FAM83B: variants seen among roughly 807,000 people sequenced by gnomAD.
FAM83B encodes the protein protein FAM83B.
Under a neutral mutation model 38.8 loss-of-function variants are expected in FAM83B, and 26 were observed. The ratio of observed to expected loss-of-function variants is 0.67; its 90% CI spans 0.49 to 0.93. The LOEUF is 0.93. FAM83B is among the 40% of genes least tolerant of loss of function. The probability of loss-of-function intolerance (pLI) is 0.00; values close to 1 mark genes in which losing one functional copy is unlikely to be tolerated. For synonymous variants in FAM83B, 419 were observed against 423.1 expected (o/e 0.99, Z 0.12); for missense variants, 1,237 against 1,197.3 (o/e 1.03, Z -0.49).
At chr6:54,899,041 C>T (rs1772599289) in intron 2 of FAM83B, among the ~76,000 whole-genome samples, 1 of 152,156 alleles carries the variant, frequency 6.6e-6, no homozygotes, top group Non-Finnish European at 1.5e-5. Flanking sequence ...ATGCCTGTTG[C>T]TCCAGCTAGA....
rs138547073 is a variant in FAM83B, at chr6:54,859,060, C to T, written c.-60-11127C>T. Among the ~76,000 whole-genome samples, 364 of 151,468 alleles carry T rather than the reference C, an allele frequency of 2.4e-3. 4 individuals are homozygous for T. Among genetic ancestry groups the T allele is most frequent in the African/African-American group, 8.4e-3 (348 of 41,218 alleles). On this transcript the variant is annotated intron_variant, in intron 1 of 4. Coordinates refer to ENST00000306858, the MANE Select transcript of FAM83B (RefSeq NM_001010872.3). ...AATTCCTCCCCCGACACCGTGCCCA[C>T]CCCCCAGCCCCCAGCACTGAGACGG...
chr6:54,903,600 A>T (rs1772711083), intron 2 of FAM83B, among the ~76,000 whole-genome samples: 1 of 152,096 alleles, frequency 6.6e-6, no homozygotes, highest in Admixed American at 6.6e-5. Context: ...TTTAATAATT[A>T]TTCTTTTGGG....
At chr6:54,854,172 G>C (rs550786925) in intron 1 of FAM83B, among the ~76,000 whole-genome samples, 1 of 152,302 alleles carries the variant, frequency 6.6e-6, no homozygotes, top group African/African-American at 2.4e-5. Flanking sequence ...AAAGAAAGTG[G>C]ATTCTTGAGA....
intron 2 of FAM83B, among the ~76,000 whole-genome samples, chr6:54,917,309 A>C (rs1278383027): frequency 6.6e-6 from 1 of 152,186 alleles, no homozygotes; most frequent in Non-Finnish European, 1.5e-5. Flanking sequence ...AGATCTAACT[A>C]ACTTAATAAT....
At chr6:54,919,607 A>G (rs1271254132) in intron 2 of FAM83B, among the ~76,000 whole-genome samples, 1 of 151,978 alleles carries the variant, frequency 6.6e-6, no homozygotes, top group African/African-American at 2.4e-5. Context: ...ATTATTTACA[A>G]AGTCTAGATA....
At chr6:54,906,365 AATT>A (rs1335796325) in intron 2 of FAM83B, among the ~76,000 whole-genome samples, 7 of 152,008 alleles carry the variant, frequency 4.6e-5, no homozygotes, top group Admixed American at 2.6e-4. Flanking sequence ...CCAATAAAAC[AATT>A]ATTATTATTT....
intron 2 of FAM83B, among the ~76,000 whole-genome samples, chr6:54,925,381 G>T (rs1238822648): frequency 2.0e-5 from 3 of 151,938 alleles, no homozygotes; most frequent in African/African-American, 7.3e-5. Context: ...TGTTCTTCTT[G>T]CATGGCCCAT....
At chr6:54,889,307 G>GT (rs1256637498) in intron 2 of FAM83B, among the ~76,000 whole-genome samples, 2 of 151,960 alleles carry the variant, frequency 1.3e-5, no homozygotes, top group African/African-American at 2.4e-5. Flanking sequence ...CCTGCATTTT[G>GT]TTTTTTCTTC....
At chr6:54,937,984 G>A (rs748582827) in intron 4 of FAM83B, among the ~76,000 whole-genome samples, 1 of 151,948 alleles carries the variant, frequency 6.6e-6, no homozygotes, top group Admixed American at 6.6e-5. Context: ...CATCACCCAA[G>A]CAGTGTACAA....
chr6:54,930,665 T>C (rs1446518495), intron 4 of FAM83B, among the ~76,000 whole-genome samples: 1 of 152,162 alleles, frequency 6.6e-6, no homozygotes, highest in East Asian at 1.9e-4. Flanking sequence ...TCAGCAATTA[T>C]TATTAGTCAC....
At position 54,940,402 on chromosome 6, in the gene FAM83B, G is replaced by A; in HGVS notation, c.1431G>A (p.Leu477=). 1 of 1,613,932 alleles carries A rather than the reference G, an allele frequency of 6.2e-7. No homozygotes were observed. Among genetic ancestry groups the A allele is most frequent in the East Asian group, 2.2e-5 (1 of 44,870 alleles). ...GGACAGATAACCATATCCGCTTTTT[G>A]CAACAACGAATGCCAACCCTTGAAC... ...FNGTDNHIRF[L]QQRMPTLEHT... Residue 477 remains leucine, a synonymous_variant, in exon 5 of 5, where the codon TTG becomes TTA. Transcript: ENST00000306858.
At position 54,926,528 on chromosome 6, in the gene FAM83B, G is replaced by C; in HGVS notation, c.602G>C (p.Arg201Pro). The change falls in exon 3 of 5, where the codon CGT (arginine) becomes CCT (proline). Residue 201 changes from arginine (R) to proline (P), a missense_variant. Transcript: ENST00000306858. ...MTEKQGCSVQ[R>P]LRNIRVRTVK... The stretch of plus-strand genomic sequence containing the variant: ...GAGAAACAAGGTTGTTCAGTTCAGC[G>C]TCTCAGGGTAAGAATTCTGTTTTTT... 1 of 1,559,366 alleles carries C rather than the reference G, an allele frequency of 6.4e-7. No individual in the cohort carries two copies. Among genetic ancestry groups the C allele is most frequent in the Non-Finnish European group, 8.7e-7 (1 of 1,153,442 alleles).
At chr6:54,930,353 A>G (rs1773393136) in intron 4 of FAM83B, among the ~76,000 whole-genome samples, 2 of 152,122 alleles carry the variant, frequency 1.3e-5, no homozygotes, top group Non-Finnish European at 2.9e-5. Context: ...ATGCTCAGTT[A>G]CAACCAACCA....
chr6:54,865,609 G>A (rs1771681951), intron 1 of FAM83B, among the ~76,000 whole-genome samples: 1 of 152,126 alleles, frequency 6.6e-6, no homozygotes, highest in Non-Finnish European at 1.5e-5. Flanking sequence ...GTTAGCACCT[G>A]TGATATTTTT....
chr6:54,870,208 A>G lies in FAM83B; in HGVS notation c.-39A>G. The G allele has an allele frequency of 1.3e-6, 2 of 1,507,944 alleles. No homozygotes were observed. The highest frequency in any genetic ancestry group is 1.8e-6 in the Non-Finnish European group (2 of 1,090,328). The allele number at this position is 1,507,944 out of a possible 1,614,324, so 93.4% of individuals were successfully genotyped here. On this transcript the variant is annotated 5_prime_UTR_variant, in exon 2 of 5. An upstream start codon of the reference 5' UTR is lost. Coordinates refer to ENST00000306858, the MANE Select transcript of FAM83B (RefSeq NM_001010872.3). Reference sequence around the variant, plus strand: ...CCAGATACTTCTCACCACTGCATGAATGGACATTTGAAAGTGCCATAGCCA... The same window carrying G: ...CCAGATACTTCTCACCACTGCATGAGTGGACATTTGAAAGTGCCATAGCCA...
At chr6:54,926,925 G>A (rs6939778) in intron 3 of FAM83B, among the ~76,000 whole-genome samples, 48,117 of 151,592 alleles carry the variant, frequency 0.32, 9,053 homozygotes, top group East Asian at 0.8. Flanking sequence ...AGTAGAGACG[G>A]GGTTTCACCA....
chr6:54,868,637 G>A (rs925708308), intron 1 of FAM83B, among the ~76,000 whole-genome samples: 4 of 152,060 alleles, frequency 2.6e-5, no homozygotes, highest in Non-Finnish European at 4.4e-5. Context: ...ATACTATAGG[G>A]CAGGAAGACT....
chr6:54,864,410 T>C (rs546411411), intron 1 of FAM83B, among the ~76,000 whole-genome samples: 1 of 152,352 alleles, frequency 6.6e-6, no homozygotes, highest in South Asian at 2.1e-4. Flanking sequence ...ATTCTACTGG[T>C]AATCCATCTG....
chr6:54,916,270 C>T (rs1272122690), intron 2 of FAM83B, among the ~76,000 whole-genome samples: 2 of 152,078 alleles, frequency 1.3e-5, no homozygotes, highest in East Asian at 3.8e-4. Flanking sequence ...TTTTTCATGA[C>T]AGACACCCTT....
Sources: allele counts gnomAD v4.1 joint callset (sites outside exome capture counted in the v4.1 genomes callset), GRCh38; gene constraint gnomAD v4.1.1; transcripts MANE v1.5; gene names NCBI Gene and HGNC (gene_info 2026-07-23, HGNC 2026-07-21).